The following PPP3CC variants were observed in gnomAD, a reference collection of about 807,000 sequenced individuals.
PPP3CC encodes protein phosphatase 3 catalytic subunit gamma, also known as serine/threonine-protein phosphatase 2B catalytic subunit gamma isoform.
In PPP3CC, 35 loss-of-function variants were observed where a neutral mutation model predicts 60.3. The observed-to-expected ratio is 0.58, with a 90% confidence interval of 0.44 to 0.77. The LOEUF (loss-of-function observed/expected upper bound fraction) is 0.77, where lower values mean the gene tolerates loss of function less well. Ranked by LOEUF, PPP3CC falls within the 30% of genes least tolerant of loss-of-function variation. The probability of loss-of-function intolerance (pLI) is 0.00; values close to 1 mark genes in which losing one functional copy is unlikely to be tolerated. For missense variants in PPP3CC, 570 were observed against 628.9 expected, an observed-to-expected ratio of 0.91 and a Z score of 1.00; for synonymous variants, 206 against 224.3, an observed-to-expected ratio of 0.92 and a Z score of 0.73.
intron 1 of PPP3CC, among the ~76,000 whole-genome samples, chr8:22,457,845 A>G (rs112652823): frequency 0.012 from 1,795 of 152,348 alleles, 38 homozygotes; most frequent in African/African-American, 0.041. Context: ...TAATCCCAGC[A>G]CTTTGGGAGG....
intron 4 of PPP3CC, among the ~76,000 whole-genome samples, chr8:22,507,364 A>G (rs986162295): frequency 6.6e-6 from 1 of 152,224 alleles, no homozygotes. Context: ...TATGGGATAT[A>G]TCCTAAAATT....
chr8:22,486,853 C>T (rs1228548772), intron 3 of PPP3CC, among the ~76,000 whole-genome samples: 1 of 151,778 alleles, frequency 6.6e-6, no homozygotes, highest in African/African-American at 2.4e-5. Context: ...CCTCACCCTC[C>T]CGAGTAGCTG....
chr8:22,525,418 C>A (rs1839514316), intron 8 of PPP3CC, among the ~76,000 whole-genome samples: 1 of 151,794 alleles, frequency 6.6e-6, no homozygotes, highest in African/African-American at 2.4e-5. Flanking sequence ...GCTCTTCTTT[C>A]TCTTTCTCTC....
At chr8:22,445,881 C>A (rs927322979) in intron 1 of PPP3CC, among the ~76,000 whole-genome samples, 4 of 152,164 alleles carry the variant, frequency 2.6e-5, no homozygotes, top group Non-Finnish European at 4.4e-5. Context: ...CAGTGCTAAT[C>A]GAGATTCATA....
At chr8:22,471,528 C>T (rs1352390048) in intron 1 of PPP3CC, among the ~76,000 whole-genome samples, 3 of 152,144 alleles carry the variant, frequency 2.0e-5, no homozygotes, top group Non-Finnish European at 4.4e-5. Flanking sequence ...TTCTAGGCCA[C>T]AAACCTGTAC....
At chr8:22,520,604 T>G (rs984837988) in intron 6 of PPP3CC, among the ~76,000 whole-genome samples, 1 of 152,212 alleles carries the variant, frequency 6.6e-6, no homozygotes, top group Non-Finnish European at 1.5e-5. Flanking sequence ...TGAAGCTGTC[T>G]CTTGAGCTTT....
In PPP3CC at chr8:22,513,173, A is replaced by G. The variant is rs571820717; in HGVS notation, c.631-120A>G. 1.3e-4 allele frequency: 117 copies of G among 889,452 alleles called. No individual in the cohort carries two copies. In the African/African-American group the frequency reaches 1.9e-3, roughly 14 times the overall value. The allele number at this position is 889,452 out of a possible 1,614,324, so 55.1% of individuals were successfully genotyped here. On this transcript the variant is annotated intron_variant, in intron 5 of 13. Coordinates refer to ENST00000240139, the MANE Select transcript of PPP3CC (RefSeq NM_005605.5). ...TTGCAGGAAAGTCCTTTAGGGGCAC[A>G]CTGGCTTCTCTCCTAATACATTCTT... is the stretch of plus-strand genomic sequence containing the variant.
chr8:22,526,581 G>A lies in PPP3CC; in HGVS notation c.944-811G>A, dbSNP rs1839567316. Among the ~76,000 whole-genome samples the A allele has an allele frequency of 1.3e-5, 2 of 152,136 alleles. 1 individual carries two copies. The highest frequency in any genetic ancestry group is 4.1e-4 in the South Asian group (2 of 4,824). The stretch of plus-strand genomic sequence containing the variant: ...CCTGTAGCAAAGAAACAGGAATGAG[G>A]ACGTGACCTATATCTGTCATTTCTG... On this transcript the variant is annotated intron_variant, in intron 8 of 13. Transcript: ENST00000240139.
chr8:22,480,852 T>C (rs1838041726), intron 3 of PPP3CC, among the ~76,000 whole-genome samples: 1 of 152,096 alleles, frequency 6.6e-6, no homozygotes, highest in Non-Finnish European at 1.5e-5. Flanking sequence ...TCCCACTGCT[T>C]TGGGAGGCCT....
chr8:22,522,598 C>T lies in PPP3CC; in HGVS notation c.848+30C>T, dbSNP rs753761612. ...GTTACATTAAAATTGTACCAAATAT[C>T]GCTGCAGAGTCTTTGCATTTAATAT... is the stretch of plus-strand genomic sequence containing the variant. On this transcript the variant is annotated intron_variant, in intron 7 of 13. Transcript: ENST00000240139. The T allele has an allele frequency of 5.0e-6, 8 of 1,592,370 alleles. No homozygotes were observed. The Admixed American group carries it at 5.0e-5, about 10-fold the overall frequency.
At chr8:22,511,913 A>G (rs1411482494) in intron 5 of PPP3CC, among the ~76,000 whole-genome samples, 1 of 152,212 alleles carries the variant, frequency 6.6e-6, no homozygotes, top group Non-Finnish European at 1.5e-5. Context: ...GAAATGAGGA[A>G]GTTGGAAGGG....
At position 22,528,669 on chromosome 8, in the gene PPP3CC, A is replaced by G. The variant is rs1839626081; in HGVS notation, c.1141+92A>G. On this transcript the variant is annotated intron_variant, in intron 10 of 13. Transcript: ENST00000240139. Reference sequence around the variant, plus strand: ...TATTTTGAATGATTTTCTTTGTCTTATTAAAAATAAAGTTAGTTCATTGTA... The same window carrying G: ...TATTTTGAATGATTTTCTTTGTCTTGTTAAAAATAAAGTTAGTTCATTGTA... 5.1e-6 allele frequency: 5 copies of G among 981,198 alleles called. No individual in the cohort carries two copies. In the South Asian group the frequency reaches 9.4e-5, roughly 18 times the overall value. The allele number at this position is 981,198 out of a possible 1,614,324, so 60.8% of individuals were successfully genotyped here.
rs1839755367 is a variant in PPP3CC, at chr8:22,532,929, G to A, written c.1232G>A (p.Ser411Asn). Residue 411 changes from serine (S) to asparagine (N), a missense_variant, in exon 12 of 14, where the codon AGT becomes AAT. Physicochemically the swap from Ser to Asn is conservative, Grantham distance 46 (BLOSUM62 1). Transcript: ENST00000240139. ...ARVFSILRQESESVLTLKGLT... is the reference protein window; with the variant it reads ...ARVFSILRQENESVLTLKGLT... ...TTGGTCTCCCTTTGCAGGCAAGAAAGTGAGAGTGTGCTGACTCTCAAGGGC... is the reference window on the plus strand; with the variant it reads ...TTGGTCTCCCTTTGCAGGCAAGAAAATGAGAGTGTGCTGACTCTCAAGGGC... 2 of 1,589,068 alleles carry A rather than the reference G, an allele frequency of 1.3e-6. No individual in the cohort carries two copies. The highest frequency in any genetic ancestry group is 1.1e-5 in the South Asian group (1 of 88,392).
intron 1 of PPP3CC, among the ~76,000 whole-genome samples, chr8:22,442,691 ATG>A (rs1836706813): frequency 1.3e-5 from 2 of 152,204 alleles, no homozygotes; most frequent in Admixed American, 1.3e-4. Context: ...GACCATTTAA[ATG>A]TGTCTTCATA....
intron 10 of PPP3CC, among the ~76,000 whole-genome samples, chr8:22,529,813 G>A (rs1839654813): frequency 1.3e-5 from 2 of 152,096 alleles, no homozygotes; most frequent in Non-Finnish European, 1.5e-5. Flanking sequence ...TTATTGGTGT[G>A]TGAGGGATCT....
intron 1 of PPP3CC, among the ~76,000 whole-genome samples, chr8:22,449,447 CAAAAAAAA>C (rs35113938): frequency 3.4e-5 from 2 of 59,668 alleles, no homozygotes; most frequent in African/African-American, 1.4e-4. Context: ...GACCCCATCT[CAAAAAAAA>C]AAAAAAAAAA....
chr8:22,511,674 C>T (rs1405765077), intron 5 of PPP3CC, among the ~76,000 whole-genome samples: 2 of 152,176 alleles, frequency 1.3e-5, no homozygotes, highest in Non-Finnish European at 2.9e-5. Flanking sequence ...CTGATTTCAT[C>T]ACTATAACTA....
chr8:22,444,572 A>G (rs1180224576), intron 1 of PPP3CC, among the ~76,000 whole-genome samples: 1 of 152,250 alleles, frequency 6.6e-6, no homozygotes, highest in African/African-American at 2.4e-5. Context: ...AGATCAGCAC[A>G]GTTCTGTCTG....
intron 1 of PPP3CC, among the ~76,000 whole-genome samples, chr8:22,470,521 A>G (rs1385191587): frequency 6.6e-6 from 1 of 152,216 alleles, no homozygotes; most frequent in Non-Finnish European, 1.5e-5. Flanking sequence ...TTTACATCTG[A>G]TAAAGGACAT....
Sources: allele counts gnomAD v4.1 joint callset (sites outside exome capture counted in the v4.1 genomes callset), GRCh38; gene constraint gnomAD v4.1.1; transcripts MANE v1.5; gene names NCBI Gene and HGNC (gene_info 2026-07-23, HGNC 2026-07-21).